Variants in SPPL2A observed in about 807,000 individuals in gnomAD.
The protein encoded by SPPL2A is signal peptide peptidase-like 2A.
SPPL2A carries 51 observed loss-of-function variants against 63.8 expected under a neutral mutation model. The ratio of observed to expected loss-of-function variants is 0.80; its 90% CI spans 0.64 to 1.01. The LOEUF (loss-of-function observed/expected upper bound fraction) is 1.01, where lower values mean the gene tolerates loss of function less well. Among genes scored for constraint, SPPL2A ranks in the 50% least tolerant of loss-of-function variants. The probability of loss-of-function intolerance (pLI) is 0.00; values close to 1 mark genes in which losing one functional copy is unlikely to be tolerated. For synonymous variants in SPPL2A, 188 were observed against 205.8 expected (o/e 0.91, Z 0.74); for missense variants, 553 against 622.7 (o/e 0.89, Z 1.19).
intron 10 of SPPL2A, among the ~76,000 whole-genome samples, chr15:50,728,678 CTG>C (rs1280672881): frequency 6.6e-6 from 1 of 151,746 alleles, no homozygotes; most frequent in East Asian, 1.9e-4. Flanking sequence ...GAGTCTCACT[CTG>C]TTGCCCAGGC....
intron 3 of SPPL2A, 148 bp from the exon 4 acceptor site, chr15:50,748,350 A>C (rs1286519681): frequency 2.1e-5 from 9 of 429,916 alleles, no homozygotes; most frequent in Non-Finnish European, 3.7e-5. Flanking sequence ...AGTTCTCAAA[A>C]TTGAATCCTT....
chr15:50,707,733 G>A lies in SPPL2A; in HGVS notation c.*67C>T. On this transcript the variant is annotated 3_prime_UTR_variant, in exon 15 of 15. Coordinates refer to ENST00000261854, the MANE Select transcript of SPPL2A (RefSeq NM_032802.4). ...ACTCTTTCAGATTGTCAATTCAAAA[G>A]TCAATTTAAAAAGTCGAAGTCTATT... is the stretch of plus-strand genomic sequence containing the variant. 1.2e-6 allele frequency: 1 copy of A among 832,274 alleles called. No homozygotes were observed. Among genetic ancestry groups the A allele is most frequent in the East Asian group, 2.4e-5 (1 of 40,910 alleles). 51.6% of individuals were successfully genotyped at this position (832,274 alleles called of 1,614,324 possible).
At chr15:50,740,290 G>A (rs2141043776) in intron 5 of SPPL2A, among the ~76,000 whole-genome samples, 1 of 151,946 alleles carries the variant, frequency 6.6e-6, no homozygotes, top group South Asian at 2.1e-4. Context: ...AGCCGGGTGT[G>A]GTGGTGTGTG....
intron 1 of SPPL2A, among the ~76,000 whole-genome samples, chr15:50,754,044 G>A (rs1438823039): frequency 6.6e-6 from 1 of 152,156 alleles, no homozygotes; most frequent in Non-Finnish European, 1.5e-5. Context: ...CGATCCGCCC[G>A]TCTCAGCCTC....
intron 1 of SPPL2A, among the ~76,000 whole-genome samples, chr15:50,755,891 A>AT (rs1375570448): frequency 6.6e-6 from 1 of 151,458 alleles, no homozygotes; most frequent in Non-Finnish European, 1.5e-5. Context: ...AAGTGCTGGG[A>AT]TTACAGTTAT....
At chr15:50,745,290 A>T (rs2062849368) in intron 5 of SPPL2A, among the ~76,000 whole-genome samples, 1 of 151,990 alleles carries the variant, frequency 6.6e-6, no homozygotes, top group African/African-American at 2.4e-5. Context: ...AGCTGGGACT[A>T]CAGGCGCACG....
intron 1 of SPPL2A, among the ~76,000 whole-genome samples, chr15:50,761,970 T>C (rs1161423748): frequency 2.0e-5 from 3 of 151,572 alleles, no homozygotes; most frequent in Non-Finnish European, 4.4e-5. Flanking sequence ...ACAATATCCA[T>C]TGTCTTTGAA....
rs549657456 is a variant in SPPL2A at position 50,702,889 on chromosome 15, T to C, written c.*4911A>G. ...ATGATCTTCACTATAATATGGCCTA[T>C]ATATTACCCTGTCAATTTTTTTTCA... On this transcript the variant is annotated 3_prime_UTR_variant, in exon 15 of 15. Coordinates refer to ENST00000261854, the MANE Select transcript of SPPL2A (RefSeq NM_032802.4). 3 of 149,692 alleles carry C rather than the reference T, an allele frequency of 2.0e-5. No homozygotes were observed. In the East Asian group the frequency reaches 5.8e-4, roughly 29 times the overall value. 9.3% of individuals were successfully genotyped at this position (149,692 alleles called of 1,614,324 possible). A position where few individuals can be genotyped will look rare whatever the true frequency, so the allele number is the denominator to read the frequency against.
chr15:50,751,873 G>C (rs2062909616), intron 1 of SPPL2A, among the ~76,000 whole-genome samples: 1 of 152,054 alleles, frequency 6.6e-6, no homozygotes, highest in South Asian at 2.1e-4. Context: ...TGTTGCCCAG[G>C]CTGGAGTGCA....
At chr15:50,710,270 T>A (rs1371413844) in intron 14 of SPPL2A, among the ~76,000 whole-genome samples, 2 of 152,212 alleles carry the variant, frequency 1.3e-5, no homozygotes, top group African/African-American at 4.8e-5. Flanking sequence ...GGTGCCTCGT[T>A]AGCACAGTAG....
intron 9 of SPPL2A, among the ~76,000 whole-genome samples, 196 bp downstream of exon 9, chr15:50,732,407 C>T (rs1306205087): frequency 6.6e-6 from 1 of 151,920 alleles, no homozygotes; most frequent in Non-Finnish European, 1.5e-5. Flanking sequence ...TTGCAAAGGC[C>T]ATGGTAGAGC....
At position 50,722,164 on chromosome 15, in the gene SPPL2A, C is replaced by G. The variant is rs2062653676; in HGVS notation, c.1287G>C (p.Gln429His). The G allele has an allele frequency of 6.2e-7, 1 of 1,602,250 alleles. No individual in the cohort carries two copies. The highest frequency in any genetic ancestry group is 1.3e-5 in the African/African-American group (1 of 74,880). ...LIAYCRRFDV[Q>H]TGSSYIYYVS... ...CATAGTATATGTAAGAAGAACCAGT[C>G]TGAACATCAAATCTTCTACAGTATG... Residue 429 changes from glutamine (Q) to histidine (H), a missense_variant, in exon 13 of 15, where the codon CAG becomes CAC. Coordinates refer to ENST00000261854, the MANE Select transcript of SPPL2A (RefSeq NM_032802.4).
At chr15:50,749,277 A>G (rs1324261996) in intron 2 of SPPL2A, among the ~76,000 whole-genome samples, 1 of 151,770 alleles carries the variant, frequency 6.6e-6, no homozygotes, top group Non-Finnish European at 1.5e-5. Context: ...GCCATTGTAC[A>G]CAGCCTTCTT....
intron 12 of SPPL2A, among the ~76,000 whole-genome samples, chr15:50,723,172 C>T (rs577642338): frequency 1.2e-4 from 18 of 152,200 alleles, no homozygotes; most frequent in African/African-American, 4.1e-4. Context: ...GCCTTAGAGA[C>T]GATGTACCAA....
intron 14 of SPPL2A, among the ~76,000 whole-genome samples, chr15:50,708,624 T>C (rs1567146549): frequency 6.6e-6 from 1 of 150,766 alleles, no homozygotes; most frequent in Admixed American, 6.6e-5. Context: ...GAGAATTGCT[T>C]GAACCCAGGA....
chr15:50,752,032 C>T (rs1156259495), intron 1 of SPPL2A, among the ~76,000 whole-genome samples: 10 of 151,756 alleles, frequency 6.6e-5, no homozygotes, highest in African/African-American at 2.2e-4. Context: ...GGTTTTGTCA[C>T]GCTGGCCAGG....
At chr15:50,735,854 G>A (rs543803689) in intron 8 of SPPL2A, among the ~76,000 whole-genome samples, 1 of 152,324 alleles carries the variant, frequency 6.6e-6, no homozygotes, top group East Asian at 1.9e-4. Flanking sequence ...TGGGATTACA[G>A]GCGTGAAATT....
intron 14 of SPPL2A, among the ~76,000 whole-genome samples, chr15:50,714,500 G>T (rs368399713): frequency 6.6e-6 from 1 of 151,910 alleles, no homozygotes; most frequent in African/African-American, 2.4e-5. Flanking sequence ...GCATGGTGGC[G>T]CATGCTTTTA....
intron 12 of SPPL2A, 58 bp downstream of exon 12, chr15:50,725,162 AT>A: frequency 1.0e-6 from 1 of 996,768 alleles, no homozygotes; most frequent in Non-Finnish European, 1.6e-6. Context: ...TTCTATACAT[AT>A]GACGATTTAA....
Sources: gnomAD v4.1 joint callset for allele counts (sites outside exome capture counted in the v4.1 genomes callset) on GRCh38, gnomAD v4.1.1 for gene constraint, MANE v1.5 for transcripts, NCBI Gene and HGNC (gene_info 2026-07-23, HGNC 2026-07-21) for gene names.